Variants in SCFD2 observed in about 807,000 individuals in gnomAD.
SCFD2 encodes the protein sec1 family domain-containing protein 2.
In SCFD2, 54 loss-of-function variants were observed where a neutral mutation model predicts 58.9. The ratio of observed to expected loss-of-function variants is 0.92; its 90% CI spans 0.74 to 1.15. SCFD2 has a LOEUF of 1.15. Among genes scored for constraint, SCFD2 ranks in the 50% most tolerant of loss-of-function variants. The pLI is 0.00. For missense variants in SCFD2, 805 were observed against 836.6 expected, an observed-to-expected ratio of 0.96 and a Z score of 0.47; for synonymous variants, 321 against 335.9, an observed-to-expected ratio of 0.96 and a Z score of 0.49.
intron 4 of SCFD2, among the ~76,000 whole-genome samples, chr4:53,155,578 G>C (rs1306727698): frequency 1.3e-5 from 2 of 152,180 alleles, no homozygotes; most frequent in Non-Finnish European, 2.9e-5. Flanking sequence ...ATTAAATGAA[G>C]AAGCAATAAC....
intron 4 of SCFD2, among the ~76,000 whole-genome samples, chr4:53,218,643 G>T (rs138098606): frequency 6.6e-6 from 1 of 152,150 alleles, no homozygotes; most frequent in Admixed American, 6.5e-5. Context: ...CTCTCAACTC[G>T]TCAAAGACAT....
At chr4:52,925,228 G>C (rs369737887) in intron 5 of SCFD2, among the ~76,000 whole-genome samples, 5 of 151,324 alleles carry the variant, frequency 3.3e-5, no homozygotes, top group East Asian at 1.9e-4. Flanking sequence ...ACTACATTCT[G>C]CTGTCTTTCA....
intron 4 of SCFD2, among the ~76,000 whole-genome samples, chr4:53,239,045 C>T (rs1290672021): frequency 2.0e-5 from 3 of 151,662 alleles, no homozygotes; most frequent in East Asian, 3.9e-4. Context: ...GCCGAGATCA[C>T]GCTACTGCAC....
intron 5 of SCFD2, among the ~76,000 whole-genome samples, chr4:52,958,356 A>T (rs1387162195): frequency 6.6e-6 from 1 of 152,222 alleles, no homozygotes; most frequent in East Asian, 1.9e-4. Flanking sequence ...GGAAGGAAAG[A>T]ATTAACTGGG....
intron 5 of SCFD2, among the ~76,000 whole-genome samples, chr4:53,059,375 A>G (rs967568145): frequency 3.3e-5 from 5 of 152,136 alleles, no homozygotes; most frequent in Admixed American, 6.6e-5. Context: ...TCAATCTTCA[A>G]AGCAACCATA....
At chr4:53,084,405 T>C (rs1009363055) in intron 5 of SCFD2, among the ~76,000 whole-genome samples, 1 of 152,118 alleles carries the variant, frequency 6.6e-6, no homozygotes, top group Non-Finnish European at 1.5e-5. Context: ...TAAAAATCGC[T>C]GTTATTCTGT....
chr4:53,355,127 G>T (rs1734363588), intron 1 of SCFD2, among the ~76,000 whole-genome samples: 1 of 152,138 alleles, frequency 6.6e-6, no homozygotes, highest in African/African-American at 2.4e-5. Flanking sequence ...GTCTTATATG[G>T]AATAAAATGA....
intron 5 of SCFD2, among the ~76,000 whole-genome samples, chr4:52,978,368 C>T (rs1480046570): frequency 1.3e-5 from 2 of 152,270 alleles, no homozygotes; most frequent in African/African-American, 4.8e-5. Flanking sequence ...GCATTTCCAA[C>T]AAGCATTCTA....
At chr4:53,292,945 A>G (rs571147770) in intron 3 of SCFD2, among the ~76,000 whole-genome samples, 53 of 152,192 alleles carry the variant, frequency 3.5e-4, no homozygotes, top group African/African-American at 1.1e-3. Flanking sequence ...TAGAAGACAA[A>G]TTCATAGGTG....
At chr4:53,267,043 G>T (rs111916327) in intron 4 of SCFD2, among the ~76,000 whole-genome samples, 2,853 of 152,272 alleles carry the variant, frequency 0.019, 59 homozygotes, top group Non-Finnish European at 0.025. Flanking sequence ...CAAAACCATT[G>T]TAAGTAGAAG....
intron 5 of SCFD2, among the ~76,000 whole-genome samples, chr4:53,068,029 A>G (rs1167149791): frequency 6.6e-6 from 1 of 152,136 alleles, no homozygotes; most frequent in East Asian, 1.9e-4. Context: ...AGACAGAATC[A>G]TCTTGCTTAT....
At chr4:52,945,761 G>C (rs139406001) in intron 5 of SCFD2, 1 of 152,186 alleles carries the variant, frequency 6.6e-6, no homozygotes, top group South Asian at 2.1e-4. Flanking sequence ...GAAAAATAAC[G>C]TAAGTTTCAA....
At chr4:52,905,301 G>T (rs190818544) in intron 7 of SCFD2, among the ~76,000 whole-genome samples, 282 of 152,252 alleles carry the variant, frequency 1.9e-3, no homozygotes, top group Non-Finnish European at 3.2e-3. Flanking sequence ...TTCCAATTTT[G>T]TTCAAACCCC....
intron 5 of SCFD2, among the ~76,000 whole-genome samples, chr4:53,041,395 G>A (rs974755458): frequency 1.4e-4 from 22 of 152,154 alleles, no homozygotes; most frequent in Non-Finnish European, 2.9e-5. Context: ...GATTTAAAGG[G>A]TTTCTGTGGA....
At chr4:53,250,266 A>G (rs534465582) in intron 4 of SCFD2, among the ~76,000 whole-genome samples, 3 of 152,328 alleles carry the variant, frequency 2.0e-5, no homozygotes, top group African/African-American at 7.2e-5. Context: ...CTAAATATAT[A>G]TGCACCCAAT....
In SCFD2 at chr4:53,145,505, G is replaced by A. The variant is rs149689200; in HGVS notation, c.1389C>T (p.Asn463=). Residue 463 remains asparagine, a synonymous_variant, in exon 5 of 9, where the codon AAC becomes AAT. Transcript: ENST00000401642. ...GCAGTTCCTCAGGGCTGTAGTCCTC[G>A]TTGGTTCTCTGGGTTACAGGCTTAA... is the stretch of plus-strand genomic sequence containing the variant. ...PMIKPVTQRT[N]EDYSPEELLI... The A allele has an allele frequency of 2.3e-4, 379 of 1,614,098 alleles. 3 individuals carry two copies. Among genetic ancestry groups the A allele is most frequent in the Middle Eastern group, 2.3e-3 (14 of 6,062 alleles).
At chr4:53,119,090 G>A (rs535418016) in intron 5 of SCFD2, among the ~76,000 whole-genome samples, 2 of 152,202 alleles carry the variant, frequency 1.3e-5, no homozygotes, top group East Asian at 3.9e-4. Context: ...AGCCGAGGTG[G>A]GTAAATCACT....
intron 3 of SCFD2, among the ~76,000 whole-genome samples, chr4:53,284,098 G>C (rs1236923309): frequency 7.2e-6 from 1 of 139,444 alleles, no homozygotes; most frequent in Non-Finnish European, 1.5e-5. Flanking sequence ...CAGCCTGGGC[G>C]ACAGAGCAAG....
intron 5 of SCFD2, among the ~76,000 whole-genome samples, chr4:52,959,693 A>G (rs1462609596): frequency 1.3e-5 from 2 of 152,206 alleles, no homozygotes; most frequent in African/African-American, 4.8e-5. Flanking sequence ...TGTTTAAACC[A>G]TGCCAAATGA....
Sources: allele counts gnomAD v4.1 joint callset (sites outside exome capture counted in the v4.1 genomes callset), GRCh38; gene constraint gnomAD v4.1.1; transcripts MANE v1.5; gene names NCBI Gene and HGNC (gene_info 2026-07-23, HGNC 2026-07-21).